The following PROX1 variants were observed in gnomAD, a reference collection of about 807,000 sequenced individuals.
PROX1 encodes prospero homeobox 1.
PROX1 carries 7 observed loss-of-function variants against 58.8 expected under a neutral mutation model. The ratio of observed to expected loss-of-function variants is 0.12; its 90% CI spans 0.07 to 0.22. The LOEUF (loss-of-function observed/expected upper bound fraction) is 0.22, where lower values mean the gene tolerates loss of function less well. Ranked by LOEUF, PROX1 falls within the 10% of genes least tolerant of loss-of-function variation. The pLI, the probability that PROX1 is intolerant of heterozygous loss-of-function variation, is 1.00. For missense variants in PROX1, 675 were observed against 927.8 expected (o/e 0.73, Z 3.54); for synonymous variants, 350 against 358.3 (o/e 0.98, Z 0.26).
chr1:213,997,632 C>A lies in PROX1; in HGVS notation c.1097C>A (p.Thr366Asn), dbSNP rs753772696. 30 of 1,614,076 alleles carry A rather than the reference C, an allele frequency of 1.9e-5. No individual in the cohort carries two copies. Among genetic ancestry groups the A allele is most frequent in the African/African-American group, 2.7e-5 (2 of 74,930 alleles). The change falls in exon 2 of 5, where the codon ACT becomes AAT. Residue 366 changes from threonine to asparagine, a missense_variant. Transcript: ENST00000366958. The surrounding 1 kb of genome is among the most constrained non-coding windows in gnomAD (Gnocchi z 7.1). ...ACTGCCATGTCGCAAGTTGTGGACA[C>A]TGTGGTCAAAGTCTTTTCGGCCAAG... The part of the protein sequence containing the change: ...LNTAMSQVVD[T>N]VVKVFSAKPS...
chr1:214,009,487 C>A (rs867057559), intron 3 of PROX1, among the ~76,000 whole-genome samples: 1 of 152,094 alleles, frequency 6.6e-6, no homozygotes, highest in Non-Finnish European at 1.5e-5. Flanking sequence ...TTTTAGCCGG[C>A]GACTAAAACT....
intron 1 of PROX1, among the ~76,000 whole-genome samples, chr1:213,994,943 C>A (rs768989954): frequency 5.9e-5 from 9 of 151,614 alleles, no homozygotes; most frequent in Non-Finnish European, 1.3e-4. Context: ...GCCATCTAAG[C>A]ATTGAGCATT....
At chr1:214,001,205 T>A (rs540164813) in intron 2 of PROX1, among the ~76,000 whole-genome samples, 1 of 152,306 alleles carries the variant, frequency 6.6e-6, no homozygotes, top group Non-Finnish European at 1.5e-5. Context: ...TAAACATATA[T>A]GTTCTGTAGG....
chr1:213,997,479 T>A lies in PROX1; in HGVS notation c.944T>A (p.Ile315Asn). Residue 315 changes from isoleucine (I) to asparagine (N), a missense_variant, in exon 2 of 5, where the codon ATC (isoleucine) becomes AAC (asparagine). By Grantham distance (149) the Ile-to-Asn change is moderately radical. This residue lies in a region of PROX1 where 403 missense variants were observed against 477.4 expected (regional missense o/e 0.84). Coordinates refer to ENST00000366958, the MANE Select transcript of PROX1 (RefSeq NM_001270616.2). The surrounding 1 kb of genome is among the most constrained non-coding windows in gnomAD (Gnocchi z 7.1). ...TTTATTGACCGAGCTCGAGCCCTGA[T>A]CAGAGAGCAGGAAATGGCTGAAAAC... ...GQFIDRARAL[I>N]REQEMAENKP... The A allele has an allele frequency of 6.2e-7, 1 of 1,613,910 alleles. No homozygotes were observed.
intron 4 of PROX1, among the ~76,000 whole-genome samples, chr1:214,027,779 G>A (rs1664509408): frequency 6.6e-6 from 1 of 151,980 alleles, no homozygotes; most frequent in Admixed American, 6.5e-5. Flanking sequence ...AGCTCACTGA[G>A]TCTATTGATT....
intron 2 of PROX1, among the ~76,000 whole-genome samples, chr1:213,999,781 C>T (rs953494791): frequency 6.6e-6 from 1 of 152,158 alleles, no homozygotes; most frequent in Non-Finnish European, 1.5e-5. Flanking sequence ...AAAGCTGCAC[C>T]AAGCACCATG....
At chr1:214,028,061 G>A (rs1209871399) in intron 4 of PROX1, among the ~76,000 whole-genome samples, 3 of 151,862 alleles carry the variant, frequency 2.0e-5, no homozygotes, top group South Asian at 2.1e-4. Flanking sequence ...GGTATTAGAC[G>A]AATCTAATCC....
chr1:214,022,802 C>G (rs1664327851), intron 4 of PROX1, among the ~76,000 whole-genome samples: 1 of 152,128 alleles, frequency 6.6e-6, no homozygotes, highest in Non-Finnish European at 1.5e-5. Context: ...CATTCTAGCT[C>G]TGAAATTTTG....
intron 4 of PROX1, among the ~76,000 whole-genome samples, chr1:214,016,446 C>T (rs1664097795): frequency 6.6e-6 from 1 of 152,190 alleles, no homozygotes; most frequent in Non-Finnish European, 1.5e-5. Context: ...GTTTAGAAAA[C>T]TGGCACATGA....
At chr1:214,024,013 G>T (rs1664370328) in intron 4 of PROX1, among the ~76,000 whole-genome samples, 1 of 152,104 alleles carries the variant, frequency 6.6e-6, no homozygotes, top group South Asian at 2.1e-4. Flanking sequence ...ATCATTTTCA[G>T]TGACCTGAAG....
intron 3 of PROX1, among the ~76,000 whole-genome samples, chr1:214,005,701 A>G (rs1345108447): frequency 6.6e-6 from 1 of 152,218 alleles, no homozygotes; most frequent in Non-Finnish European, 1.5e-5. Flanking sequence ...CCCCCTGTCG[A>G]AAAGGAGCGT....
At chr1:214,011,310 T>C (rs542788846) in intron 3 of PROX1, among the ~76,000 whole-genome samples, 2 of 152,152 alleles carry the variant, frequency 1.3e-5, no homozygotes, top group Non-Finnish European at 2.9e-5. Flanking sequence ...AGGTAGAGGG[T>C]TGTGATATGA....
chr1:214,020,967 A>G (rs954791025), intron 4 of PROX1, among the ~76,000 whole-genome samples: 2 of 152,234 alleles, frequency 1.3e-5, no homozygotes, highest in African/African-American at 4.8e-5. Context: ...TCAAATACCT[A>G]TCAAAGAGGG....
At chr1:214,001,200 A>G (rs1284355100) in intron 2 of PROX1, among the ~76,000 whole-genome samples, 3 of 152,200 alleles carry the variant, frequency 2.0e-5, no homozygotes, top group Admixed American at 2.0e-4. Context: ...CACATTAAAC[A>G]TATATGTTCT....
At chr1:214,034,373 A>G (rs1664759783) in intron 4 of PROX1, among the ~76,000 whole-genome samples, 1 of 152,342 alleles carries the variant, frequency 6.6e-6, no homozygotes, top group Admixed American at 6.5e-5. Flanking sequence ...CATCTCTTGT[A>G]TATGCGTAGA....
chr1:214,005,252 A>T lies in PROX1; in HGVS notation c.1813A>T (p.Thr605Ser). 6.2e-7 allele frequency: 1 copy of T among 1,613,124 alleles called. No individual in the cohort carries two copies. The highest frequency in any genetic ancestry group is 1.3e-5 in the African/African-American group (1 of 75,018). Residue 605 changes from threonine to serine, a missense_variant, in exon 3 of 5, where the codon ACC becomes TCC. This residue lies in a region of PROX1 where 39 missense variants were observed against 73.4 expected (regional missense o/e 0.53). Transcript: ENST00000366958. Reference protein sequence around the residue: ...TRYPSSNMLKTYFSDVKFNRC... With the variant: ...TRYPSSNMLKSYFSDVKFNRC... ...TTATCCCAGCTCCAATATGCTGAAG[A>T]CCTACTTCTCCGACGTAAAGGTAGG...
At chr1:213,992,818 G>T (rs368747702) in intron 1 of PROX1, among the ~76,000 whole-genome samples, 5 of 152,078 alleles carry the variant, frequency 3.3e-5, no homozygotes, top group Admixed American at 2.0e-4. Context: ...CCTCCTCCCC[G>T]AAATAACTTC....
chr1:213,997,765 G>C lies in PROX1; in HGVS notation c.1230G>C (p.Gln410His). 1 of 1,614,218 alleles carries C rather than the reference G, an allele frequency of 6.2e-7. No individual in the cohort carries two copies. Reference sequence around the variant, plus strand: ...TCCACACCGCCAACCAGCGCCTGCAGTGCTTTGGCGACGTCATCATTCCGA... The same window carrying C: ...TCCACACCGCCAACCAGCGCCTGCACTGCTTTGGCGACGTCATCATTCCGA... ...HNFHTANQRL[Q>H]CFGDVIIPNP... is the part of the protein sequence containing the mutation. Residue 410 changes from glutamine to histidine, a missense_variant, in exon 2 of 5, where the codon CAG (glutamine) becomes CAC (histidine). Physicochemically the swap from Gln to His is conservative, Grantham distance 24. Around this residue, in one of 8 missense-constraint regions of PROX1, gnomAD observed 403 missense variants for 477.4 expected, o/e 0.84. Coordinates refer to ENST00000366958, the MANE Select transcript of PROX1 (RefSeq NM_001270616.2). The surrounding 1 kb of genome is among the most constrained non-coding windows in gnomAD (Gnocchi z 7.1).
At chr1:213,985,481 G>T (rs892191785), upstream of PROX1, 1 of 152,208 alleles carries the variant, frequency 6.6e-6, no homozygotes, top group African/African-American at 2.4e-5. Flanking sequence ...CTAGCGTGGC[G>T]CGCGCTCCTA....
Sources: gnomAD v4.1 joint callset for allele counts (sites outside exome capture counted in the v4.1 genomes callset) on GRCh38, gnomAD v4.1.1 for gene constraint, gnomAD v4.1.1 regional missense constraint, Gnocchi (gnomAD v3.1) non-coding constraint, MANE v1.5 for transcripts, NCBI Gene and HGNC (gene_info 2026-07-23, HGNC 2026-07-21) for gene names.